Variants in LRP5 observed in about 807,000 individuals in gnomAD.
LRP5 encodes the protein LDL receptor related protein 5.
LRP5 carries 62 observed loss-of-function variants against 154.1 expected under a neutral mutation model. The ratio of observed to expected loss-of-function variants is 0.40; its 90% CI spans 0.33 to 0.50. LRP5 has a LOEUF of 0.50. Ranked by LOEUF, LRP5 falls within the 20% of genes least tolerant of loss-of-function variation. The probability of loss-of-function intolerance (pLI) is 0.55; values close to 1 mark genes in which losing one functional copy is unlikely to be tolerated. For missense variants in LRP5, 1,915 were observed against 2,336.7 expected (o/e 0.82, Z 3.72); for synonymous variants, 966 against 1,011.5 (o/e 0.96, Z 0.85).
chr11:68,389,951 C>T lies in LRP5; in HGVS notation c.1483C>T (p.Arg495Cys). The T allele has an allele frequency of 1.2e-6, 2 of 1,614,204 alleles. No homozygotes were observed. Among genetic ancestry groups the T allele is most frequent in the Non-Finnish European group, 1.7e-6 (2 of 1,180,036 alleles). ...ECANLDGQER[R>C]VLVNASLGWP... ...TGCCAACTTGGATGGGCAGGAGCGG[C>T]GTGTGCTGGTCAATGCCTCCCTCGG... Residue 495 changes from arginine (R) to cysteine (C), a missense_variant, in exon 7 of 23, where the codon CGT (arginine) becomes TGT (cysteine). By Grantham distance (180) the Arg-to-Cys change is radical. Coordinates refer to ENST00000294304, the MANE Select transcript of LRP5 (RefSeq NM_002335.4).
At chr11:68,331,717 T>C (rs1442974834) in intron 1 of LRP5, among the ~76,000 whole-genome samples, 1 of 151,796 alleles carries the variant, frequency 6.6e-6, no homozygotes, top group Non-Finnish European at 1.5e-5. Context: ...TGCCTGGACC[T>C]CAGTCAATTA....
At chr11:68,300,243 G>A in the LRP5 span, among the ~76,000 whole-genome samples, 4 of 149,152 alleles carry the variant, frequency 2.7e-5, no homozygotes. Context: ...AAGCTGAGGA[G>A]ATGGAGCTGG....
chr11:68,410,180 C>A, intron 10 of LRP5, 40 bp downstream of exon 10: 1 of 1,553,432 alleles, frequency 6.4e-7, no homozygotes, highest in Non-Finnish European at 8.8e-7. Flanking sequence ...GTGTTCACCT[C>A]GTATGAGACA....
At chr11:68,300,322 A>G in the LRP5 span, among the ~76,000 whole-genome samples, 2 of 149,496 alleles carry the variant, frequency 1.3e-5, no homozygotes, top group East Asian at 3.9e-4. Context: ...GGAGGGGATT[A>G]GCCTGGGTTC....
intron 12 of LRP5, among the ~76,000 whole-genome samples, chr11:68,415,980 G>A (rs533562224): frequency 2.6e-5 from 4 of 151,362 alleles, no homozygotes; most frequent in South Asian, 4.2e-4. Context: ...GCGTGAACCC[G>A]AGAGGCAGAG....
At chr11:68,429,029 G>GGAGTTTGCA (rs1477002736) in intron 16 of LRP5, among the ~76,000 whole-genome samples, 1 of 145,328 alleles carries the variant, frequency 6.9e-6, no homozygotes, top group African/African-American at 2.6e-5. Context: ...CCCGGGAGGT[G>GGAGTTTGCA]GAGTTTGCAG....
At chr11:68,365,527 G>A in intron 4 of LRP5, 44 bp from the exon 5 acceptor site, 1 of 1,613,044 alleles carries the variant, frequency 6.2e-7, no homozygotes, top group Non-Finnish European at 8.5e-7. Flanking sequence ...ACAAGTGACG[G>A]TCCTCTTCTG....
intron 1 of LRP5, among the ~76,000 whole-genome samples, chr11:68,338,558 G>C (rs2098606976): frequency 6.6e-6 from 1 of 152,142 alleles, no homozygotes; most frequent in African/African-American, 2.4e-5. Flanking sequence ...GGCGTTCCTG[G>C]GAGTGGCAGA....
chr11:68,347,612 T>C (rs2098614227), intron 1 of LRP5, among the ~76,000 whole-genome samples: 1 of 152,182 alleles, frequency 6.6e-6, no homozygotes, highest in Admixed American at 6.5e-5. Context: ...AAACAGGTGC[T>C]GTCACCGAAT....
chr11:68,426,801 T>G (rs1239331180), intron 16 of LRP5, among the ~76,000 whole-genome samples: 2 of 152,350 alleles, frequency 1.3e-5, no homozygotes, highest in East Asian at 3.9e-4. Context: ...GCTCAGGGTC[T>G]CACGGGGCCA....
At chr11:68,358,921 G>A (rs1487307285) in intron 3 of LRP5, among the ~76,000 whole-genome samples, 1 of 152,246 alleles carries the variant, frequency 6.6e-6, no homozygotes, top group South Asian at 2.1e-4. Flanking sequence ...AGGCAGGGAT[G>A]TGGCAGGTGT....
chr11:68,386,932 C>T lies in LRP5; in HGVS notation c.1412+220C>T, dbSNP rs1233741401. The stretch of plus-strand genomic sequence containing the variant: ...GTTTCTAACAAGCACCCCAGTGGTC[C>T]GGTGCTGCTGCTGGGTCCATGCGTA... On this transcript the variant is annotated intron_variant, in intron 6 of 22. Coordinates refer to ENST00000294304, the MANE Select transcript of LRP5 (RefSeq NM_002335.4). The surrounding 1 kb of genome is among the most constrained non-coding windows in gnomAD (Gnocchi z 7.9). 3.9e-5 allele frequency among the ~76,000 whole-genome samples: 6 copies of T among 152,004 alleles called. No individual in the cohort carries two copies. The highest frequency in any genetic ancestry group is 6.5e-5 in the Admixed American group (1 of 15,278).
chr11:68,444,554 G>GGA (rs1345878953), intron 21 of LRP5, among the ~76,000 whole-genome samples: 2 of 156 alleles, frequency 0.013, no homozygotes, highest in Non-Finnish European at 0.03. Flanking sequence ...TGAGCCGAGT[G>GGA]GCCTCCCCAG....
intron 5 of LRP5, among the ~76,000 whole-genome samples, chr11:68,381,734 A>C (rs560668624): frequency 1.3e-5 from 2 of 152,244 alleles, no homozygotes; most frequent in Non-Finnish European, 2.9e-5. Context: ...AATTCCTACC[A>C]AGACTCTGTA....
chr11:68,407,322 C>A (rs1221170665), intron 9 of LRP5, among the ~76,000 whole-genome samples: 3 of 151,858 alleles, frequency 2.0e-5, no homozygotes, highest in South Asian at 2.1e-4. Context: ...ACATGCACCA[C>A]CACACCCAGC....
chr11:68,342,175 C>T (rs1225896870), intron 1 of LRP5, among the ~76,000 whole-genome samples: 1 of 151,938 alleles, frequency 6.6e-6, no homozygotes, highest in Non-Finnish European at 1.5e-5. Context: ...ATCCTCTCTC[C>T]TCGGAAAGTG....
chr11:68,369,912 G>T (rs1189015566), intron 5 of LRP5, among the ~76,000 whole-genome samples: 1 of 152,168 alleles, frequency 6.6e-6, no homozygotes, highest in Non-Finnish European at 1.5e-5. Flanking sequence ...CTGGCATCCA[G>T]TGGGTGCCCA....
At chr11:68,394,842 G>C (rs1422893069) in intron 7 of LRP5, among the ~76,000 whole-genome samples, 3 of 152,202 alleles carry the variant, frequency 2.0e-5, no homozygotes, top group Admixed American at 6.5e-5. Flanking sequence ...GGAATATGAG[G>C]CTTACAGGCC....
chr11:68,379,888 T>C (rs1297470915), intron 5 of LRP5, among the ~76,000 whole-genome samples: 1 of 152,140 alleles, frequency 6.6e-6, no homozygotes, highest in African/African-American at 2.4e-5. Context: ...TCCCAGCACG[T>C]TGGGAGGCAG....
Sources: gnomAD v4.1 joint callset for allele counts (sites outside exome capture counted in the v4.1 genomes callset) on GRCh38, gnomAD v4.1.1 for gene constraint, Gnocchi (gnomAD v3.1) non-coding constraint, MANE v1.5 for transcripts, NCBI Gene and HGNC (gene_info 2026-07-23, HGNC 2026-07-21) for gene names.